Variants in TMEM178B observed in about 807,000 individuals in gnomAD.
TMEM178B encodes the protein transmembrane protein 178B.
A neutral mutation model predicts 31.0 loss-of-function variants in TMEM178B; 5 were observed. That is an observed-to-expected ratio of 0.16 (90% CI 0.08 to 0.34). The LOEUF (loss-of-function observed/expected upper bound fraction) is 0.34, where lower values mean the gene tolerates loss of function less well. Among genes scored for constraint, TMEM178B ranks in the 10% least tolerant of loss-of-function variants. TMEM178B has a pLI of 1.00. For missense variants in TMEM178B, 275 were observed against 400.3 expected (o/e 0.69, Z 2.67); for synonymous variants, 164 against 164.0 (o/e 1.00, Z 0.00).
chr7:141,240,542 T>C (rs1797600919), intron 2 of TMEM178B, among the ~76,000 whole-genome samples: 1 of 152,380 alleles, frequency 6.6e-6, no homozygotes, highest in Admixed American at 6.5e-5. Flanking sequence ...TTTTCTGTGT[T>C]GTAAATGAGG....
intron 2 of TMEM178B, among the ~76,000 whole-genome samples, chr7:141,436,179 G>A (rs1014705811): frequency 1.3e-5 from 2 of 152,216 alleles, no homozygotes. Flanking sequence ...GAGTGAGAGA[G>A]AGGAATGGAG....
chr7:141,132,306 T>C (rs1489194180), intron 1 of TMEM178B, among the ~76,000 whole-genome samples: 3 of 152,212 alleles, frequency 2.0e-5, no homozygotes, highest in Non-Finnish European at 4.4e-5. Context: ...GCTTTCAAGA[T>C]TGGGGACCTT....
At chr7:141,118,758 T>C (rs1296149596) in intron 1 of TMEM178B, among the ~76,000 whole-genome samples, 1 of 152,202 alleles carries the variant, frequency 6.6e-6, no homozygotes, top group African/African-American at 2.4e-5. Flanking sequence ...AAAGACTTTG[T>C]GGTCAGAAGA....
chr7:141,219,197 A>G (rs1270818280), intron 2 of TMEM178B, among the ~76,000 whole-genome samples: 3 of 152,128 alleles, frequency 2.0e-5, no homozygotes, highest in Non-Finnish European at 2.9e-5. Flanking sequence ...GGGGCTGCCT[A>G]GAGGTCCCAT....
At chr7:141,300,030 C>CA (rs1259927497) in intron 2 of TMEM178B, among the ~76,000 whole-genome samples, 1 of 152,200 alleles carries the variant, frequency 6.6e-6, no homozygotes, top group African/African-American at 2.4e-5. Context: ...GTGATCCTCT[C>CA]ACCTTAGCCT....
rs66723569 is a variant in TMEM178B at position 141,242,477 on chromosome 7, AGTGTGTGT to A, written c.496+29798_496+29805del. On this transcript the variant is annotated intron_variant, in intron 2 of 3. Coordinates refer to ENST00000565468, the MANE Select transcript of TMEM178B (RefSeq NM_001195278.2). ...TGTGGCTATTTTCACACTTTGTGTG[AGTGTGTGT>A]GTGTGTGTGTGTGTGTGTGTGTGTT... 9.4e-4 allele frequency among the ~76,000 whole-genome samples: 132 copies of A among 140,474 alleles called. 1 individual carries two copies. Among genetic ancestry groups the A allele is most frequent in the East Asian group, 2.1e-3 (10 of 4,856 alleles). The allele number at this position is 140,474 out of a possible 152,430, so 92.2% of individuals were successfully genotyped here. A position where few individuals can be genotyped will look rare whatever the true frequency, so the allele number is the denominator to read the frequency against.
chr7:141,317,460 G>T (rs967534453), intron 2 of TMEM178B, among the ~76,000 whole-genome samples: 2 of 152,212 alleles, frequency 1.3e-5, no homozygotes, highest in African/African-American at 4.8e-5. Flanking sequence ...AGAAGGTCAG[G>T]CTGAGGCTAT....
chr7:141,370,969 A>G (rs1800105321), intron 2 of TMEM178B, among the ~76,000 whole-genome samples: 1 of 152,194 alleles, frequency 6.6e-6, no homozygotes, highest in African/African-American at 2.4e-5. Context: ...AATGTAGAAA[A>G]CCAGAACACT....
chr7:141,421,636 C>T (rs1478376011), intron 2 of TMEM178B, among the ~76,000 whole-genome samples: 1 of 152,104 alleles, frequency 6.6e-6, no homozygotes, highest in Non-Finnish European at 1.5e-5. Flanking sequence ...ATGAAAAGCT[C>T]ATCAATTCTG....
At chr7:141,492,047 C>T in the TMEM178B span, among the ~76,000 whole-genome samples, 1,138 of 152,296 alleles carry the variant, frequency 7.5e-3, 16 homozygotes, top group Non-Finnish European at 9.8e-3. Flanking sequence ...AATCTACATG[C>T]CTTCTGAGGC....
At chr7:141,256,648 G>C (rs1262519514) in intron 2 of TMEM178B, among the ~76,000 whole-genome samples, 2 of 152,132 alleles carry the variant, frequency 1.3e-5, no homozygotes, top group Non-Finnish European at 2.9e-5. Context: ...ATATATACTT[G>C]AAAGGTCTGC....
At chr7:141,224,330 C>T (rs1336503497) in intron 2 of TMEM178B, among the ~76,000 whole-genome samples, 1 of 152,210 alleles carries the variant, frequency 6.6e-6, no homozygotes, top group Admixed American at 6.5e-5. Flanking sequence ...GCTACCATAT[C>T]AGACAGAGCA....
At chr7:141,240,741 T>C (rs1797603526) in intron 2 of TMEM178B, among the ~76,000 whole-genome samples, 1 of 152,260 alleles carries the variant, frequency 6.6e-6, no homozygotes, top group Non-Finnish European at 1.5e-5. Flanking sequence ...TGTTTTGCTA[T>C]TATTTATATG....
At chr7:141,499,555 C>A in the TMEM178B span, among the ~76,000 whole-genome samples, 2 of 151,316 alleles carry the variant, frequency 1.3e-5, no homozygotes, top group Non-Finnish European at 2.9e-5. Flanking sequence ...GGGAGGATTG[C>A]TTAAGCCTGG....
intron 2 of TMEM178B, among the ~76,000 whole-genome samples, chr7:141,233,755 G>A (rs903521228): frequency 2.0e-5 from 3 of 152,296 alleles, no homozygotes; most frequent in East Asian, 3.9e-4. Flanking sequence ...CTATCAAAAT[G>A]TACTTCTCCC....
Position 141,294,083 on chromosome 7 carries a change from C to T in TMEM178B, c.496+81379C>T, listed in dbSNP as rs191717283. Among the ~76,000 whole-genome samples the T allele has an allele frequency of 3.8e-4, 58 of 152,196 alleles. 1 individual carries two copies. The highest frequency in any genetic ancestry group is 1.3e-3 in the African/African-American group (55 of 41,518). On this transcript the variant is annotated intron_variant, in intron 2 of 3. Coordinates refer to ENST00000565468, the MANE Select transcript of TMEM178B (RefSeq NM_001195278.2). ...GACAAGGGTTTGAGTCCCAAGTTTG[C>T]CACTTGGTGGTAAGGGATGTTGGGC...
chr7:141,511,069 A>G, the TMEM178B span, among the ~76,000 whole-genome samples: 2 of 151,992 alleles, frequency 1.3e-5, no homozygotes, highest in African/African-American at 4.8e-5. Flanking sequence ...AGCAGTTCCA[A>G]CGGAGAAGTT....
chr7:141,090,631 C>T (rs182195793), intron 1 of TMEM178B, among the ~76,000 whole-genome samples: 1 of 152,274 alleles, frequency 6.6e-6, no homozygotes, highest in East Asian at 1.9e-4. Context: ...ATGAGTGGGT[C>T]AGTGATGTTG....
At chr7:141,278,549 C>CT (rs55690749) in intron 2 of TMEM178B, among the ~76,000 whole-genome samples, 112,817 of 151,914 alleles carry the variant, frequency 0.74, 43,511 homozygotes, top group East Asian at 0.99. Flanking sequence ...TGCCATGGCA[C>CT]CCAGATTGGG....
Sources: allele counts gnomAD v4.1 joint callset (sites outside exome capture counted in the v4.1 genomes callset), GRCh38; gene constraint gnomAD v4.1.1; transcripts MANE v1.5; gene names NCBI Gene and HGNC (gene_info 2026-07-23, HGNC 2026-07-21).